PDLIM3: variants seen among roughly 807,000 people sequenced by gnomAD.
PDLIM3 encodes PDZ and LIM domain protein 3.
Under a neutral mutation model 37.3 loss-of-function variants are expected in PDLIM3, and 36 were observed. That is an observed-to-expected ratio of 0.97 (90% confidence interval 0.74 to 1.28). PDLIM3 has a LOEUF of 1.28. Ranked by LOEUF, PDLIM3 falls within the 50% of genes most tolerant of loss-of-function variation. The pLI is 0.00. For synonymous variants in PDLIM3, 174 were observed against 182.4 expected (o/e 0.95, Z 0.37); for missense variants, 454 against 485.0 (o/e 0.94, Z 0.60).
Position 185,502,092 on chromosome 4 carries a change from T to C in PDLIM3, c.*202A>G. On this transcript the variant is annotated 3_prime_UTR_variant, in exon 8 of 8. Coordinates refer to ENST00000284767, the MANE Select transcript of PDLIM3 (RefSeq NM_014476.6). ...TAGCCCCAAAAAGAGTTGCAAAACATAGCTAAGTGTATGTTTTTTTCACAT... is the reference window on the plus strand; with the variant it reads ...TAGCCCCAAAAAGAGTTGCAAAACACAGCTAAGTGTATGTTTTTTTCACAT... The C allele has an allele frequency of 9.7e-6, 6 of 620,542 alleles. No homozygotes were observed. In the South Asian group the frequency reaches 1.1e-4, roughly 12 times the overall value. The allele number at this position is 620,542 out of a possible 1,614,324, so 38.4% of individuals were successfully genotyped here.
In PDLIM3 at chr4:185,523,372, G is replaced by C; in HGVS notation, c.320C>G (p.Ser107Ter). 1 of 1,607,332 alleles carries C rather than the reference G, an allele frequency of 6.2e-7. No homozygotes were observed. ...CTCTAAAACGCATACCTGTGGTTCT[G>C]ATTCTAAGTTGATTTTGAAAGGATG... ...KAHPFKINLE[S>*]EPQDGNYFEH... Residue 107 changes from serine (S) to a stop codon, truncating the protein, a stop_gained, in exon 3 of 8, where the codon TCA becomes TGA. Coordinates refer to ENST00000284767, the MANE Select transcript of PDLIM3 (RefSeq NM_014476.6). LOFTEE classifies it high-confidence loss of function.
At chr4:185,521,652 C>T (rs1371744231) in intron 3 of PDLIM3, among the ~76,000 whole-genome samples, 1 of 65,650 alleles carries the variant, frequency 1.5e-5, no homozygotes, top group African/African-American at 2.8e-5. Flanking sequence ...TTGCCTCTGC[C>T]TCCCAAAGGA....
rs2095710498 is a variant in PDLIM3 at position 185,513,866 on chromosome 4, T to G, written c.398+404A>C. On this transcript the variant is annotated intron_variant, in intron 4 of 7. Transcript: ENST00000284767. ...AGAAGGAAGAGCTTGCTCCTTATCA[T>G]TCTGGCTTGTTCACCTGATTCCTTC... 33 of 1,149,138 alleles carry G rather than the reference T, an allele frequency of 2.9e-5. No homozygotes were observed. The South Asian group carries it at 5.7e-4, about 20-fold the overall frequency. 71.2% of individuals were successfully genotyped at this position (1,149,138 alleles called of 1,614,324 possible).
At chr4:185,531,091 A>G (rs555047335) in intron 1 of PDLIM3, among the ~76,000 whole-genome samples, 15 of 151,868 alleles carry the variant, frequency 9.9e-5, no homozygotes, top group African/African-American at 3.4e-4. Context: ...TCCCCTGTGG[A>G]TGAGAGGGGA....
At chr4:185,508,586 A>G in intron 4 of PDLIM3, 24 bp from the exon 5 acceptor site, 1 of 1,613,106 alleles carries the variant, frequency 6.2e-7, no homozygotes, top group Non-Finnish European at 8.5e-7. Flanking sequence ...TACACGTTAC[A>G]CAGAGATGGC....
rs529639040 is a variant in PDLIM3 at position 185,522,831 on chromosome 4, C to T, written c.330+531G>A. 6.3e-5 allele frequency among the ~76,000 whole-genome samples: 2 copies of T among 31,944 alleles called. 1 individual carries two copies. Among genetic ancestry groups the T allele is most frequent in the Non-Finnish European group, 5.7e-4 (2 of 3,496 alleles). The allele number at this position is 31,944 out of a possible 152,430, so 21.0% of individuals were successfully genotyped here. ...TTTATCTTTTATAATTCAGCTGTAA[C>T]GGCAGAATATCACCATCATCACACT... On this transcript the variant is annotated intron_variant, in intron 3 of 7. Coordinates refer to ENST00000284767, the MANE Select transcript of PDLIM3 (RefSeq NM_014476.6).
rs1391196328 is a variant in PDLIM3, at chr4:185,521,685, C to T, written c.330+1677G>A. Among the ~76,000 whole-genome samples, 6 of 65,936 alleles carry T rather than the reference C, an allele frequency of 9.1e-5. 3 individuals are homozygous for T. The highest frequency in any genetic ancestry group is 2.5e-4 in the Non-Finnish European group (4 of 16,002). 43.3% of individuals were successfully genotyped at this position (65,936 alleles called of 152,430 possible). On this transcript the variant is annotated intron_variant, in intron 3 of 7. Transcript: ENST00000284767. ...GGATTATAGGTGTGAGTCAATGCGCCTGGCCCCACTCAACTTTCAAGATTA... is the reference window on the plus strand; with the variant it reads ...GGATTATAGGTGTGAGTCAATGCGCTTGGCCCCACTCAACTTTCAAGATTA...
At chr4:185,528,048 C>T (rs1452740148) in intron 1 of PDLIM3, among the ~76,000 whole-genome samples, 1 of 143,764 alleles carries the variant, frequency 7.0e-6, no homozygotes, top group Non-Finnish European at 1.5e-5. Flanking sequence ...AGGTAGACCT[C>T]CTCCTCTCAC....
Position 185,522,549 on chromosome 4 carries a change from C to A in PDLIM3, c.330+813G>T, listed in dbSNP as rs551373635. 7.5e-5 allele frequency among the ~76,000 whole-genome samples: 5 copies of A among 66,626 alleles called. 1 individual carries two copies. In the South Asian group the frequency reaches 2.7e-3, roughly 36 times the overall value. The allele number at this position is 66,626 out of a possible 152,430, so 43.7% of individuals were successfully genotyped here. A position where few individuals can be genotyped will look rare whatever the true frequency, so the allele number is the denominator to read the frequency against. ...GTTCCCTTTCATCAGTTATATAGAA[C>A]AACTACATGCTGGGAATATCTAATC... On this transcript the variant is annotated intron_variant, in intron 3 of 7. Transcript: ENST00000284767.
At position 185,523,622 on chromosome 4, in the gene PDLIM3, C is replaced by A. The variant is rs117538673; in HGVS notation, c.246-176G>T. Reference sequence around the variant, plus strand: ...TTCCCACATAATTAGTCTTCCCCCCCCCTTTTTTTTTCTTTTAATGTTGTC... The same window carrying A: ...TTCCCACATAATTAGTCTTCCCCCCACCTTTTTTTTTCTTTTAATGTTGTC... On this transcript the variant is annotated intron_variant, in intron 2 of 7. Transcript: ENST00000284767. Among the ~76,000 whole-genome samples, 58 of 150,432 alleles carry A rather than the reference C, an allele frequency of 3.9e-4. No homozygotes were observed. The East Asian group carries it at 9.1e-3, about 24-fold the overall frequency.
Position 185,506,196 on chromosome 4 carries a change from G to T in PDLIM3, c.793+326C>A, listed in dbSNP as rs535939673. ...TGATGATGGTGATACTCCAGAGTGT[G>T]GGGGGGAGGCTGAGAAGTTTGACAA... On this transcript the variant is annotated intron_variant, in intron 6 of 7. Coordinates refer to ENST00000284767, the MANE Select transcript of PDLIM3 (RefSeq NM_014476.6). Among the ~76,000 whole-genome samples the T allele has an allele frequency of 4.0e-3, 609 of 151,576 alleles. 1 individual carries two copies. Among genetic ancestry groups the T allele is most frequent in the Non-Finnish European group, 5.3e-3 (358 of 67,978 alleles).
intron 4 of PDLIM3, chr4:185,513,431 A>C: frequency 2.1e-6 from 2 of 941,234 alleles, no homozygotes; most frequent in Non-Finnish European, 2.5e-6. Flanking sequence ...CATGTATGAA[A>C]ATGGGCCGTG....
At chr4:185,524,584 A>G (rs2095729455) in intron 2 of PDLIM3, among the ~76,000 whole-genome samples, 1 of 152,222 alleles carries the variant, frequency 6.6e-6, no homozygotes, top group African/African-American at 2.4e-5. Context: ...AATGGCAGAC[A>G]GGATATTAGC....
At chr4:185,505,997 C>G (rs1283359490) in intron 6 of PDLIM3, among the ~76,000 whole-genome samples, 1 of 152,040 alleles carries the variant, frequency 6.6e-6, no homozygotes, top group East Asian at 1.9e-4. Flanking sequence ...GGCTCACTGG[C>G]TATGTGGCCT....
chr4:185,514,305 A>C lies in PDLIM3; in HGVS notation c.363T>G (p.Ile121Met). Residue 121 changes from isoleucine to methionine, a missense_variant, in exon 4 of 8, where the codon ATT (isoleucine) becomes ATG (methionine). Coordinates refer to ENST00000284767, the MANE Select transcript of PDLIM3 (RefSeq NM_014476.6). This position sits in a 1 kb window ranked among gnomAD's most constrained non-coding sequence, Gnocchi z 4.0. ...DGNYFEHKHN[I>M]RPKPFVIPGR... ...CCGGGATCACGAAAGGTTTGGGCCG[A>C]ATATTATGCTTGTGTTCAAAGTAGT... 6.2e-7 allele frequency: 1 copy of C among 1,614,210 alleles called. No homozygotes were observed. The highest frequency in any genetic ancestry group is 8.5e-7 in the Non-Finnish European group (1 of 1,180,036).
At chr4:185,529,396 C>A (rs2095739881) in intron 1 of PDLIM3, among the ~76,000 whole-genome samples, 1 of 152,140 alleles carries the variant, frequency 6.6e-6, no homozygotes, top group East Asian at 1.9e-4. Flanking sequence ...AAGGCAAGCC[C>A]AAGACATGGT....
chr4:185,504,413 G>A lies in PDLIM3; in HGVS notation c.905+62C>T. On this transcript the variant is annotated intron_variant, in intron 7 of 7. Transcript: ENST00000284767. This position sits in a 1 kb window ranked among gnomAD's most constrained non-coding sequence, Gnocchi z 4.7. ...TGCCTTTAGTCTATAAAGTCTTAAA[G>A]GAGAAGAAATGAACTGTCGCCAAGC... The A allele has an allele frequency of 7.3e-7, 1 of 1,367,516 alleles. No homozygotes were observed. The highest frequency in any genetic ancestry group is 1.2e-5 in the South Asian group (1 of 84,094). The allele number at this position is 1,367,516 out of a possible 1,614,324, so 84.7% of individuals were successfully genotyped here. A position where few individuals can be genotyped will look rare whatever the true frequency, so the allele number is the denominator to read the frequency against.
chr4:185,510,699 T>A (rs1474851232), intron 4 of PDLIM3, among the ~76,000 whole-genome samples: 1 of 152,232 alleles, frequency 6.6e-6, no homozygotes, highest in Admixed American at 6.5e-5. Flanking sequence ...TTCAAACCCG[T>A]GTTCTCAGGG....
intron 5 of PDLIM3, chr4:185,507,182 A>G (rs2095699051): frequency 6.5e-6 from 1 of 152,974 alleles, no homozygotes; most frequent in Non-Finnish European, 1.5e-5. Context: ...CAAGGGTATC[A>G]TTTTACTTGT....
Sources: gnomAD v4.1 joint callset for allele counts (sites outside exome capture counted in the v4.1 genomes callset) on GRCh38, gnomAD v4.1.1 for gene constraint, Gnocchi (gnomAD v3.1) non-coding constraint, MANE v1.5 for transcripts, NCBI Gene and HGNC (gene_info 2026-07-23, HGNC 2026-07-21) for gene names.